Variants in PVT1 observed in about 807,000 individuals in gnomAD.
PVT1 encodes the protein Pvt1 oncogene, also known as CXCR4/PVT1 fusion.
intron 6 of PVT1, among the ~76,000 whole-genome samples, chr8:128,100,575 G>T (rs1814491750): frequency 6.6e-6 from 1 of 152,228 alleles, no homozygotes; most frequent in Admixed American, 6.5e-5. Context: ...AAGGCCTTGA[G>T]ATGGGGAAGG....
At chr8:127,845,081 G>C (rs988931153) in intron 2 of PVT1, among the ~76,000 whole-genome samples, 2 of 152,152 alleles carry the variant, frequency 1.3e-5, no homozygotes, top group South Asian at 2.1e-4. Flanking sequence ...TTTTATGTGT[G>C]GGGGGTGTTG....
intron 2 of PVT1, among the ~76,000 whole-genome samples, chr8:127,849,334 A>G (rs1006364998): frequency 2.0e-5 from 3 of 151,934 alleles, no homozygotes; most frequent in Admixed American, 6.6e-5. Flanking sequence ...GAAGTAAACC[A>G]TGGGTGAAAA....
chr8:128,064,680 T>TA (rs1159583855), intron 4 of PVT1, among the ~76,000 whole-genome samples: 4 of 152,230 alleles, frequency 2.6e-5, no homozygotes, highest in African/African-American at 9.6e-5. Context: ...GACTTACTGA[T>TA]ATTTCAAAGA....
intron 3 of PVT1, among the ~76,000 whole-genome samples, chr8:127,908,499 G>A (rs1027689894): frequency 4.6e-5 from 7 of 151,716 alleles, no homozygotes; most frequent in Non-Finnish European, 8.8e-5. Flanking sequence ...GTGCCACCAC[G>A]CCCGGCTAAT....
intron 4 of PVT1, among the ~76,000 whole-genome samples, chr8:128,029,628 C>T (rs185977201): frequency 1.9e-3 from 283 of 152,128 alleles, no homozygotes; most frequent in Non-Finnish European, 3.0e-3. Flanking sequence ...GGTGAAACAC[C>T]GTCTTTACTA....
chr8:127,904,843 G>A (rs1410122553), intron 3 of PVT1, among the ~76,000 whole-genome samples: 2 of 152,206 alleles, frequency 1.3e-5, no homozygotes, highest in Admixed American at 1.3e-4. Flanking sequence ...GTAAAAATTA[G>A]GAAGAATTTC....
chr8:127,834,262 T>C (rs2129703550), intron 2 of PVT1, among the ~76,000 whole-genome samples: 2 of 152,118 alleles, frequency 1.3e-5, no homozygotes. Context: ...TCAGAAATAA[T>C]ACCACACATC....
chr8:127,823,658 G>A (rs771490763), intron 2 of PVT1, among the ~76,000 whole-genome samples: 3 of 152,230 alleles, frequency 2.0e-5, no homozygotes, highest in Admixed American at 6.5e-5. Context: ...GCCCCCTCTT[G>A]CCACTTGTAC....
chr8:128,013,309 T>C (rs927860104), intron 4 of PVT1, among the ~76,000 whole-genome samples: 1 of 152,186 alleles, frequency 6.6e-6, no homozygotes, highest in Non-Finnish European at 1.5e-5. Flanking sequence ...CACAAATAAG[T>C]CTTGCTTAAT....
chr8:127,853,611 TCTGTA>T (rs1029822242), intron 2 of PVT1, among the ~76,000 whole-genome samples: 12 of 151,996 alleles, frequency 7.9e-5, no homozygotes, highest in Non-Finnish European at 1.6e-4. Flanking sequence ...TGAAACCCTG[TCTGTA>T]CTAAAAATAC....
chr8:127,817,546 T>TTA (rs1554588972), intron 2 of PVT1, among the ~76,000 whole-genome samples: 18 of 89,936 alleles, frequency 2.0e-4, no homozygotes, highest in Admixed American at 3.8e-4. Context: ...TATATATATA[T>TTA]ACACACACAC....
intron 2 of PVT1, among the ~76,000 whole-genome samples, chr8:127,871,090 C>T (rs1186923313): frequency 2.0e-5 from 3 of 152,168 alleles, no homozygotes; most frequent in Non-Finnish European, 4.4e-5. Context: ...AAAACCATGC[C>T]CTGTCTACCT....
chr8:128,076,931 C>T (rs1423882551), intron 5 of PVT1, among the ~76,000 whole-genome samples: 2 of 152,194 alleles, frequency 1.3e-5, no homozygotes, highest in Non-Finnish European at 2.9e-5. Flanking sequence ...CCATGATTCA[C>T]AGGTGAAGTT....
rs1001274989 is a variant in PVT1 at position 127,860,200 on chromosome 8, G to A, written n.373-30389G>A. On this transcript the variant is annotated intron_variant and non_coding_transcript_variant, in intron 2 of 10. Coordinates refer to ENST00000651587, the Ensembl canonical transcript of PVT1. ...GAGACGAGGAGCAGGTCCTGGTGGC[G>A]GAGGTGCTGGCGCAGGAGGCCGGCT... Among the ~76,000 whole-genome samples the A allele has an allele frequency of 5.9e-5, 9 of 152,184 alleles. No homozygotes were observed. The East Asian group carries it at 1.2e-3, about 20-fold the overall frequency.
At chr8:128,085,218 A>T (rs1003640251) in intron 5 of PVT1, among the ~76,000 whole-genome samples, 1 of 152,088 alleles carries the variant, frequency 6.6e-6, no homozygotes, top group Non-Finnish European at 1.5e-5. Context: ...TCAGCCAGCA[A>T]TCCTGAGAGC....
At chr8:128,002,308 CA>C (rs1470717444) in intron 4 of PVT1, among the ~76,000 whole-genome samples, 1 of 152,198 alleles carries the variant, frequency 6.6e-6, no homozygotes, top group East Asian at 1.9e-4. Flanking sequence ...CACTACTCTC[CA>C]ATCTGGCCTC....
At chr8:127,938,580 G>T (rs920633591) in intron 3 of PVT1, among the ~76,000 whole-genome samples, 2 of 152,192 alleles carry the variant, frequency 1.3e-5, no homozygotes, top group Admixed American at 6.5e-5. Context: ...GCAAATGTAA[G>T]ATCCCTTTGG....
intron 2 of PVT1, among the ~76,000 whole-genome samples, chr8:127,863,560 A>G (rs1440960926): frequency 6.6e-6 from 1 of 152,180 alleles, no homozygotes; most frequent in Non-Finnish European, 1.5e-5. Context: ...CCCCTAAATC[A>G]GCTGTTGGCG....
intron 2 of PVT1, among the ~76,000 whole-genome samples, chr8:127,809,223 G>C (rs1462858322): frequency 2.0e-5 from 3 of 152,062 alleles, no homozygotes; most frequent in Non-Finnish European, 4.4e-5. Flanking sequence ...ACAGAGTCTT[G>C]CTCTGTTGCT....
Sources: allele counts gnomAD v4.1 joint callset (sites outside exome capture counted in the v4.1 genomes callset), GRCh38; gene constraint gnomAD v4.1.1; transcripts MANE v1.5; gene names NCBI Gene and HGNC (gene_info 2026-07-23, HGNC 2026-07-21).